The following NRG1 variants were observed in gnomAD, a reference collection of about 807,000 sequenced individuals.
The protein encoded by NRG1 is pro-neuregulin-1, membrane-bound isoform.
Under a neutral mutation model 63.8 loss-of-function variants are expected in NRG1, and 18 were observed. That is an observed-to-expected ratio of 0.28 (90% CI 0.19 to 0.42). The LOEUF (loss-of-function observed/expected upper bound fraction) is 0.42. Ranked by LOEUF, NRG1 falls within the 10% of genes least tolerant of loss-of-function variation. The pLI is 1.00. For synonymous variants in NRG1, 302 were observed against 301.3 expected (o/e 1.00, Z -0.02); for missense variants, 762 against 814.7 (o/e 0.94, Z 0.79).
intron 6 of NRG1, among the ~76,000 whole-genome samples, chr8:32,734,862 A>G (rs1402909807): frequency 6.6e-6 from 1 of 152,208 alleles, no homozygotes; most frequent in African/African-American, 2.4e-5. Context: ...AGCCATGTAC[A>G]TTTATTGAAC....
chr8:31,971,247 G>T (rs1807228844), intron 1 of NRG1, among the ~76,000 whole-genome samples: 1 of 151,914 alleles, frequency 6.6e-6, no homozygotes, highest in Admixed American at 6.6e-5. Context: ...TCTCAACTGT[G>T]TCTTTCAAAG....
intron 1 of NRG1, among the ~76,000 whole-genome samples, chr8:32,422,686 G>C (rs1587551942): frequency 6.6e-6 from 1 of 152,332 alleles, no homozygotes; most frequent in South Asian, 2.1e-4. Flanking sequence ...TAAAGTGCCA[G>C]CTTCTCCCAA....
At chr8:31,784,355 G>T (rs1819980130) in intron 1 of NRG1, among the ~76,000 whole-genome samples, 2 of 152,156 alleles carry the variant, frequency 1.3e-5, no homozygotes, top group African/African-American at 4.8e-5. Flanking sequence ...CCCATTTCAT[G>T]GAAACGTGGA....
At chr8:32,144,076 C>A (rs1369212118) in intron 1 of NRG1, among the ~76,000 whole-genome samples, 3 of 152,182 alleles carry the variant, frequency 2.0e-5, no homozygotes, top group South Asian at 4.1e-4. Flanking sequence ...TGCTGGGGAA[C>A]AAGACAGTCA....
At chr8:32,444,902 A>C (rs1820050537) in intron 1 of NRG1, among the ~76,000 whole-genome samples, 1 of 152,212 alleles carries the variant, frequency 6.6e-6, no homozygotes. Flanking sequence ...CGATAGCTTT[A>C]AATGTCTGTG....
In NRG1 at chr8:32,742,740, C is replaced by T. The variant is rs1467203084; in HGVS notation, c.691+7C>T. The T allele has an allele frequency of 6.2e-7, 1 of 1,613,770 alleles. No homozygotes were observed. The highest frequency in any genetic ancestry group is 1.7e-5 in the Admixed American group (1 of 60,000). ...GTAATGGCCAGCTTCTACAGTACGT[C>T]CACTCCCTTTCTGTCTCTGCCTGAA... On this transcript the variant is annotated splice_region_variant and intron_variant, in intron 7 of 11. Transcript: ENST00000356819. The surrounding 1 kb of genome is among the most constrained non-coding windows in gnomAD (Gnocchi z 4.2).
chr8:32,037,010 G>A (rs543124059), intron 1 of NRG1, among the ~76,000 whole-genome samples: 1 of 152,278 alleles, frequency 6.6e-6, no homozygotes, highest in South Asian at 2.1e-4. Flanking sequence ...AGGAGAAGAG[G>A]CACTCTGGCT....
chr8:32,536,360 G>A (rs1831966393), intron 1 of NRG1, among the ~76,000 whole-genome samples: 1 of 152,116 alleles, frequency 6.6e-6, no homozygotes, highest in South Asian at 2.1e-4. Flanking sequence ...TTAGATGTGT[G>A]GCCCTCTCAC....
At chr8:32,308,225 C>T (rs1047489762) in intron 1 of NRG1, among the ~76,000 whole-genome samples, 23 of 152,166 alleles carry the variant, frequency 1.5e-4, no homozygotes, top group African/African-American at 5.1e-4. Context: ...TAGAATCCTT[C>T]GCTTTCCAAG....
At chr8:31,713,163 A>C (rs1365534791) in intron 1 of NRG1, among the ~76,000 whole-genome samples, 6 of 121,404 alleles carry the variant, frequency 4.9e-5, no homozygotes, top group Middle Eastern at 7.2e-3. Context: ...GTCGCCCAGG[A>C]TGGAGTGCAG....
intron 1 of NRG1, among the ~76,000 whole-genome samples, chr8:32,068,352 G>C (rs1406390710): frequency 6.6e-6 from 1 of 152,114 alleles, no homozygotes; most frequent in Non-Finnish European, 1.5e-5. Flanking sequence ...GAAGAAACCT[G>C]GACATGACTT....
At chr8:32,540,383 A>G (rs7838347) in intron 1 of NRG1, among the ~76,000 whole-genome samples, 88,758 of 152,062 alleles carry the variant, frequency 0.58, 26,220 homozygotes, top group East Asian at 0.81. Flanking sequence ...TCTGCTTATT[A>G]TTATGAAAAT....
At chr8:31,861,197 A>G (rs1162821882) in intron 1 of NRG1, among the ~76,000 whole-genome samples, 1 of 152,176 alleles carries the variant, frequency 6.6e-6, no homozygotes, top group Non-Finnish European at 1.5e-5. Flanking sequence ...TGCCCCAGCT[A>G]GGGTCTCAAA....
intron 1 of NRG1, among the ~76,000 whole-genome samples, chr8:31,849,019 T>C (rs1391675609): frequency 2.0e-5 from 3 of 152,174 alleles, no homozygotes; most frequent in Non-Finnish European, 2.9e-5. Context: ...ATTGCAGCTT[T>C]AATAGACTCA....
intron 1 of NRG1, among the ~76,000 whole-genome samples, chr8:31,750,631 T>C (rs1816360632): frequency 6.6e-6 from 1 of 152,022 alleles, no homozygotes; most frequent in African/African-American, 2.4e-5. Flanking sequence ...GTTCTGTTTT[T>C]TTAATTATTA....
At chr8:32,705,164 G>T (rs564562825) in intron 5 of NRG1, among the ~76,000 whole-genome samples, 37 of 144,492 alleles carry the variant, frequency 2.6e-4, no homozygotes, top group African/African-American at 7.4e-4. Flanking sequence ...ACGGAGTCTC[G>T]CTGTGTCGCC....
chr8:32,709,393 T>G (rs765441857), intron 5 of NRG1, among the ~76,000 whole-genome samples: 16 of 151,920 alleles, frequency 1.1e-4, no homozygotes, highest in Admixed American at 2.6e-4. Context: ...CTTGCTATAT[T>G]TCAAATTTTA....
At chr8:32,311,140 C>T (rs1422292095) in intron 1 of NRG1, among the ~76,000 whole-genome samples, 2 of 152,146 alleles carry the variant, frequency 1.3e-5, no homozygotes, top group East Asian at 3.9e-4. Flanking sequence ...TTCAGTCATT[C>T]ATTCATTCAT....
intron 1 of NRG1, among the ~76,000 whole-genome samples, chr8:32,500,704 T>C (rs1162395611): frequency 6.6e-6 from 1 of 152,206 alleles, no homozygotes; most frequent in Non-Finnish European, 1.5e-5. Context: ...AAAAGATAAA[T>C]ATTTCATTTT....
Sources: gnomAD v4.1 joint callset for allele counts (sites outside exome capture counted in the v4.1 genomes callset) on GRCh38, gnomAD v4.1.1 for gene constraint, Gnocchi (gnomAD v3.1) non-coding constraint, MANE v1.5 for transcripts, NCBI Gene and HGNC (gene_info 2026-07-23, HGNC 2026-07-21) for gene names.